ENKUR: variants seen among roughly 807,000 people sequenced by gnomAD.
ENKUR encodes the protein enkurin, TRPC channel interacting protein.
Under a neutral mutation model 27.6 loss-of-function variants are expected in ENKUR, and 19 were observed. The ratio of observed to expected loss-of-function variants is 0.69; its 90% CI spans 0.48 to 1.01. ENKUR has a LOEUF of 1.01. Ranked by LOEUF, ENKUR falls within the 50% of genes least tolerant of loss-of-function variation. ENKUR has a pLI of 0.00. For synonymous variants in ENKUR, 117 were observed against 96.9 expected, an observed-to-expected ratio of 1.21 and a Z score of -1.22; for missense variants, 312 against 310.5, an observed-to-expected ratio of 1.00 and a Z score of -0.04.
In ENKUR at chr10:24,991,525, G is replaced by A. The variant is rs867128054; in HGVS notation, c.448-916C>T. ...GTGCCAACAAAAGAGCACACCAATG[G>A]GCACCAGCATGCCGGCAGGCCATCG... On this transcript the variant is annotated intron_variant, in intron 3 of 5. Coordinates refer to ENST00000331161, the MANE Select transcript of ENKUR (RefSeq NM_145010.4). Among the ~76,000 whole-genome samples the A allele has an allele frequency of 4.6e-5, 7 of 152,158 alleles. No individual in the cohort carries two copies. In the Middle Eastern group the frequency reaches 0.01, roughly 222 times the overall value.
chr10:25,015,856 A>G lies in ENKUR; in HGVS notation c.77+4T>C. The G allele has an allele frequency of 6.2e-7, 1 of 1,600,106 alleles. No homozygotes were observed. The highest frequency in any genetic ancestry group is 1.7e-5 in the Admixed American group (1 of 58,194). ...CAAGTGATAGTCTTTGCTTATCCAC[A>G]TACCTAGGAGGCTGGGGAGGCTCCT... On this transcript the variant is annotated splice_donor_region_variant and intron_variant, in intron 1 of 5. Transcript: ENST00000331161.
At chr10:25,039,959 G>T (rs1458755288) in intron 2 of ENKUR, among the ~76,000 whole-genome samples, 1 of 147,030 alleles carries the variant, frequency 6.8e-6, no homozygotes, top group Non-Finnish European at 1.5e-5. Flanking sequence ...AAAAAAAGTA[G>T]CTTCACTCTG....
rs1370126873 is a variant in ENKUR at position 24,982,822 on chromosome 10, A to G, written c.*1548T>C. ...TCTAGGACAACACTGTAGACCATAG[A>G]GAAAAGTCTAGATTCTTTAGTAGAC... On this transcript the variant is annotated 3_prime_UTR_variant, in exon 6 of 6. Transcript: ENST00000331161. 6.6e-6 allele frequency: 1 copy of G among 152,236 alleles called. No individual in the cohort carries two copies. The highest frequency in any genetic ancestry group is 1.5e-5 in the Non-Finnish European group (1 of 68,048). The allele number at this position is 152,236 out of a possible 1,614,324, so 9.4% of individuals were successfully genotyped here.
intron 2 of ENKUR, among the ~76,000 whole-genome samples, chr10:25,028,082 TC>T (rs1267623227): frequency 4.6e-5 from 7 of 151,982 alleles, no homozygotes; most frequent in Admixed American, 6.6e-5. Context: ...CTAAGATGAA[TC>T]TTGAAGGATG....
chr10:24,988,662 A>ATGTGTG (rs1564334649), intron 4 of ENKUR, among the ~76,000 whole-genome samples: 1 of 106,692 alleles, frequency 9.4e-6, no homozygotes, highest in Non-Finnish European at 2.0e-5. Flanking sequence ...GACACAGCAT[A>ATGTGTG]TGTATATATA....
chr10:25,031,148 A>C (rs1024927336), intron 2 of ENKUR, among the ~76,000 whole-genome samples: 1 of 152,160 alleles, frequency 6.6e-6, no homozygotes, highest in Admixed American at 6.6e-5. Context: ...ATTAAAGACA[A>C]TGCTCAGTGA....
At chr10:24,996,456 G>GTGTGTATATA (rs757314440) in intron 2 of ENKUR, among the ~76,000 whole-genome samples, 4 of 149,712 alleles carry the variant, frequency 2.7e-5, no homozygotes, top group African/African-American at 7.4e-5. Context: ...GTGTGTGTGT[G>GTGTGTATATA]TATATATATA....
chr10:24,996,662 T>C (rs539690547), intron 2 of ENKUR, among the ~76,000 whole-genome samples: 1 of 152,334 alleles, frequency 6.6e-6, no homozygotes, highest in South Asian at 2.1e-4. Flanking sequence ...TTTCCAATTT[T>C]AACCCCATCA....
chr10:25,051,050 T>C (rs1182522256), intron 2 of ENKUR, among the ~76,000 whole-genome samples: 2 of 152,180 alleles, frequency 1.3e-5, no homozygotes, highest in Admixed American at 6.5e-5. Context: ...ACTTTGAAAA[T>C]TATGTATTTT....
At chr10:25,053,621 A>C (rs533582710) in intron 2 of ENKUR, among the ~76,000 whole-genome samples, 1 of 152,296 alleles carries the variant, frequency 6.6e-6, no homozygotes, top group African/African-American at 2.4e-5. Flanking sequence ...CTTCAGGTTC[A>C]TAGGACAATA....
intron 2 of ENKUR, among the ~76,000 whole-genome samples, chr10:25,039,074 T>C (rs1226243542): frequency 6.6e-6 from 1 of 152,264 alleles, no homozygotes; most frequent in Non-Finnish European, 1.5e-5. Flanking sequence ...TTTGCCCTGT[T>C]ACTGTGGATT....
chr10:25,025,317 C>A (rs758791065), intron 2 of ENKUR: 8 of 1,614,040 alleles, frequency 5.0e-6, no homozygotes, highest in African/African-American at 1.3e-5. Flanking sequence ...TGGGTTCATA[C>A]AATGCATTAC....
chr10:25,054,308 G>A (rs1241006948), intron 2 of ENKUR, among the ~76,000 whole-genome samples: 2 of 152,288 alleles, frequency 1.3e-5, no homozygotes, highest in East Asian at 3.9e-4. Flanking sequence ...TGTAATCTCA[G>A]CTATTTAGGA....
At chr10:24,987,009 C>T (rs1189268495) in intron 4 of ENKUR, among the ~76,000 whole-genome samples, 1 of 152,116 alleles carries the variant, frequency 6.6e-6, no homozygotes, top group Non-Finnish European at 1.5e-5. Flanking sequence ...GCACCCTCGC[C>T]CACCCCCAAA....
intron 2 of ENKUR, among the ~76,000 whole-genome samples, chr10:24,996,991 GGAA>G (rs1850076876): frequency 6.6e-6 from 1 of 152,270 alleles, no homozygotes; most frequent in African/African-American, 2.4e-5. Context: ...ATACATATAA[GGAA>G]GAACACGTAA....
Position 25,032,116 on chromosome 10 carries a change from C to T in ENKUR, c.37+28996G>A, listed in dbSNP as rs570456351. 2.0e-5 allele frequency among the ~76,000 whole-genome samples: 3 copies of T among 152,224 alleles called. No homozygotes were observed. In the South Asian group the frequency reaches 6.2e-4, roughly 32 times the overall value. On this transcript the variant is annotated intron_variant, in intron 2 of 5. Transcript: ENST00000615958. ...TTTAGTGATCTTCCTCTCTTATTCC[C>T]ATTTAATTTTCAAGTAGCAAGAAAT...
chr10:25,024,387 T>C, intron 2 of ENKUR: 2 of 1,613,986 alleles, frequency 1.2e-6, no homozygotes, highest in Non-Finnish European at 8.5e-7. Context: ...CAGTCTTAAA[T>C]GGTTTTAGTC....
intron 1 of ENKUR, among the ~76,000 whole-genome samples, chr10:25,061,626 G>A (rs895977521): frequency 6.6e-6 from 1 of 152,104 alleles, no homozygotes; most frequent in Non-Finnish European, 1.5e-5. Context: ...AAACAAAATC[G>A]GAAAATCAAC....
chr10:24,984,000 A>G lies in ENKUR; in HGVS notation c.*370T>C, dbSNP rs1349491782. 5.3e-6 allele frequency: 1 copy of G among 190,200 alleles called. No homozygotes were observed. The allele number at this position is 190,200 out of a possible 1,614,324, so 11.8% of individuals were successfully genotyped here. A position where few individuals can be genotyped will look rare whatever the true frequency, so the allele number is the denominator to read the frequency against. On this transcript the variant is annotated 3_prime_UTR_variant, in exon 6 of 6. Coordinates refer to ENST00000331161, the MANE Select transcript of ENKUR (RefSeq NM_145010.4). ...TAGAAAGGACCAAAAGGAAAAAAAC[A>G]TTTAAATAAGATATGCATAGTGAGT...
Sources: gnomAD v4.1 joint callset for allele counts (sites outside exome capture counted in the v4.1 genomes callset) on GRCh38, gnomAD v4.1.1 for gene constraint, MANE v1.5 for transcripts, NCBI Gene and HGNC (gene_info 2026-07-23, HGNC 2026-07-21) for gene names.